The following CALD1 variants were observed in gnomAD, a reference collection of about 807,000 sequenced individuals.
CALD1 encodes caldesmon 1.
CALD1 carries 33 observed loss-of-function variants against 99.9 expected under a neutral mutation model. The observed-to-expected ratio is 0.33, with a 90% CI of 0.25 to 0.44. The LOEUF (loss-of-function observed/expected upper bound fraction) is 0.44. Among genes scored for constraint, CALD1 ranks in the 20% least tolerant of loss-of-function variants. CALD1 has a pLI of 1.00. For synonymous variants in CALD1, 310 were observed against 325.0 expected, an observed-to-expected ratio of 0.95 and a Z score of 0.50; for missense variants, 861 against 962.1, an observed-to-expected ratio of 0.89 and a Z score of 1.39.
chr7:134,915,475 T>G (rs1347833513), intron 3 of CALD1, among the ~76,000 whole-genome samples: 1 of 152,204 alleles, frequency 6.6e-6, no homozygotes, highest in East Asian at 1.9e-4. Context: ...GGTGATCTAG[T>G]CAGAAGACAG....
intron 1 of CALD1, among the ~76,000 whole-genome samples, chr7:134,790,556 C>A (rs1171548411): frequency 6.6e-6 from 1 of 152,160 alleles, no homozygotes; most frequent in Non-Finnish European, 1.5e-5. Flanking sequence ...TGCAGTTCAA[C>A]TAGACAAGCA....
chr7:134,808,723 T>C (rs944884411), intron 1 of CALD1, among the ~76,000 whole-genome samples: 1 of 152,270 alleles, frequency 6.6e-6, no homozygotes, highest in African/African-American at 2.4e-5. Flanking sequence ...CTGTCCTTTA[T>C]GCCAATTTGC....
chr7:134,938,083 C>T (rs554180044), intron 6 of CALD1, among the ~76,000 whole-genome samples: 1 of 152,142 alleles, frequency 6.6e-6, no homozygotes, highest in South Asian at 2.1e-4. Context: ...TTATTAAATG[C>T]AGAATCTGAT....
chr7:134,738,483 C>T, the CALD1 span, among the ~76,000 whole-genome samples: 19 of 152,106 alleles, frequency 1.2e-4, no homozygotes, highest in Admixed American at 2.6e-4. Context: ...TGTTGACAGC[C>T]CACGTGTTGC....
intron 3 of CALD1, among the ~76,000 whole-genome samples, chr7:134,876,722 A>C (rs1801370723): frequency 6.6e-6 from 1 of 152,232 alleles, no homozygotes. Context: ...CCTTCAAACA[A>C]AGCTTAATTT....
intron 1 of CALD1, among the ~76,000 whole-genome samples, chr7:134,748,708 T>TGC (rs1562988094): frequency 7.6e-6 from 1 of 132,274 alleles, no homozygotes; most frequent in Non-Finnish European, 1.6e-5. Flanking sequence ...TGAAACTCCA[T>TGC]CCCCCCGCCC....
At chr7:134,921,333 T>A (rs979331061) in intron 3 of CALD1, among the ~76,000 whole-genome samples, 4 of 152,246 alleles carry the variant, frequency 2.6e-5, no homozygotes, top group African/African-American at 9.6e-5. Context: ...GCAATTGTCA[T>A]GAGATCTTAA....
Position 134,860,308 on chromosome 7 carries a change from A to G in CALD1, c.-41-7385A>G, listed in dbSNP as rs183097424. On this transcript the variant is annotated intron_variant, in intron 2 of 14. Transcript: ENST00000361675. Reference sequence around the variant, plus strand: ...CCAAATGAACCATTGAGCTCAGAAAAGAGCAAAGTGGGTTGACAAATTGAT... The same window carrying G: ...CCAAATGAACCATTGAGCTCAGAAAGGAGCAAAGTGGGTTGACAAATTGAT... 2.0e-5 allele frequency among the ~76,000 whole-genome samples: 3 copies of G among 152,330 alleles called. No individual in the cohort carries two copies. In the East Asian group the frequency reaches 5.8e-4, roughly 29 times the overall value.
At chr7:134,829,958 G>A (rs1003734307) in intron 1 of CALD1, among the ~76,000 whole-genome samples, 4 of 152,062 alleles carry the variant, frequency 2.6e-5, no homozygotes, top group Admixed American at 1.3e-4. Flanking sequence ...AGGAGGAAGT[G>A]TATGAAATGA....
intron 4 of CALD1, among the ~76,000 whole-genome samples, chr7:134,929,784 T>C (rs1419760184): frequency 6.7e-6 from 1 of 148,810 alleles, no homozygotes; most frequent in African/African-American, 2.5e-5. Flanking sequence ...ATTTTGCATA[T>C]AATGACTTCT....
rs995895556 is a variant in CALD1 at position 134,911,202 on chromosome 7, T to C, written c.72-17552T>C. Among the ~76,000 whole-genome samples, 82 of 149,192 alleles carry C rather than the reference T, an allele frequency of 5.5e-4. 1 individual carries two copies. Among genetic ancestry groups the C allele is most frequent in the Non-Finnish European group, 3.9e-4 (26 of 67,182 alleles). On this transcript the variant is annotated intron_variant, in intron 3 of 14. Transcript: ENST00000361675. The stretch of plus-strand genomic sequence containing the variant: ...CTGAGAGGTCATTTCCTTTTTCTTT[T>C]TTTTTTTTTTTTTTTTGGTGAATGA...
At chr7:134,711,527 C>T in the CALD1 span, among the ~76,000 whole-genome samples, 1 of 152,102 alleles carries the variant, frequency 6.6e-6, no homozygotes. Flanking sequence ...AGCAGCAACA[C>T]CAGCTCTTCC....
At chr7:134,843,485 T>C (rs972572379) in intron 1 of CALD1, among the ~76,000 whole-genome samples, 1 of 152,248 alleles carries the variant, frequency 6.6e-6, no homozygotes, top group South Asian at 2.1e-4. Flanking sequence ...AGGTAGTTCA[T>C]GGACATACAT....
intron 1 of CALD1, among the ~76,000 whole-genome samples, chr7:134,766,816 T>G (rs992670551): frequency 1.3e-5 from 2 of 151,738 alleles, no homozygotes; most frequent in South Asian, 2.1e-4. Context: ...CAAGAGGAGT[T>G]AGGGATCGTG....
At chr7:134,953,710 C>T (rs1306016669) in intron 9 of CALD1, among the ~76,000 whole-genome samples, 1 of 145,186 alleles carries the variant, frequency 6.9e-6, no homozygotes, top group Non-Finnish European at 1.5e-5. Context: ...CCCTACCCTC[C>T]TCTAATTATT....
At chr7:134,761,210 T>C (rs1796773412) in intron 1 of CALD1, among the ~76,000 whole-genome samples, 1 of 152,188 alleles carries the variant, frequency 6.6e-6, no homozygotes, top group African/African-American at 2.4e-5. Context: ...AAGTTTTATT[T>C]TTACTTCTCC....
the CALD1 span, among the ~76,000 whole-genome samples, chr7:134,734,069 T>G: frequency 6.6e-6 from 1 of 152,018 alleles, no homozygotes; most frequent in South Asian, 2.1e-4. Flanking sequence ...TACCAGAGCC[T>G]TACAGAGGTG....
At chr7:134,873,551 ACCG>A (rs531084797) in intron 3 of CALD1, among the ~76,000 whole-genome samples, 1 of 152,310 alleles carries the variant, frequency 6.6e-6, no homozygotes, top group Admixed American at 6.5e-5. Context: ...GTAAAGACGG[ACCG>A]CCGCCGGCCC....
At chr7:134,748,981 CTA>C (rs1796660733) in intron 1 of CALD1, among the ~76,000 whole-genome samples, 1 of 152,172 alleles carries the variant, frequency 6.6e-6, no homozygotes, top group Non-Finnish European at 1.5e-5. Context: ...AAGGCACTGT[CTA>C]TAGGCAGAAA....
Sources: gnomAD v4.1 joint callset for allele counts (sites outside exome capture counted in the v4.1 genomes callset) on GRCh38, gnomAD v4.1.1 for gene constraint, MANE v1.5 for transcripts, NCBI Gene and HGNC (gene_info 2026-07-23, HGNC 2026-07-21) for gene names.